SLC6A16: variants seen among roughly 807,000 people sequenced by gnomAD.
SLC6A16 encodes the protein orphan sodium- and chloride-dependent neurotransmitter transporter NTT5.
In SLC6A16, 54 loss-of-function variants were observed where a neutral mutation model predicts 65.4. The observed-to-expected ratio is 0.83, with a 90% CI of 0.66 to 1.04. SLC6A16 has a LOEUF of 1.04. SLC6A16 is among the 50% of genes least tolerant of loss of function. The pLI is 0.00. For missense variants in SLC6A16, 816 were observed against 914.0 expected (o/e 0.89, Z 1.38); for synonymous variants, 330 against 346.5 (o/e 0.95, Z 0.53).
At chr19:49,293,502 C>A (rs971780872) in intron 9 of SLC6A16, 120 bp from the exon 10 acceptor site, 4 of 912,196 alleles carry the variant, frequency 4.4e-6, no homozygotes. Context: ...AGGGGGCTTA[C>A]ATGTGTAATC....
At chr19:49,312,475 C>T (rs1344438430) in intron 1 of SLC6A16, 20 of 709,358 alleles carry the variant, frequency 2.8e-5, no homozygotes, top group Admixed American at 6.3e-5. Flanking sequence ...TCCATCTCTG[C>T]CTACTGCTCT....
intron 1 of SLC6A16, among the ~76,000 whole-genome samples, chr19:49,319,475 A>ATG (rs1273673190): frequency 1.3e-5 from 2 of 150,768 alleles, no homozygotes; most frequent in Non-Finnish European, 3.0e-5. Context: ...ATATGTGTAT[A>ATG]TGTATATACA....
Position 49,293,897 on chromosome 19 carries a change from A to C in SLC6A16, c.1548T>G (p.Ile516Met). 1 of 1,614,108 alleles carries C rather than the reference A, an allele frequency of 6.2e-7. No individual in the cohort carries two copies. Residue 516 changes from isoleucine to methionine, a missense_variant, in exon 9 of 12, where the codon ATT becomes ATG. Physicochemically the swap from Ile to Met is conservative, Grantham distance 10. Coordinates refer to ENST00000335875, the MANE Select transcript of SLC6A16 (RefSeq NM_014037.3). Reference protein sequence around the residue: ...LAMGLSSAIGIMQGIITPLQD... With the variant: ...LAMGLSSAIGMMQGIITPLQD... ...GGAGTGGAGTAATGATGCCCTGCAT[A>C]ATCCCTATTGCGCTGCTCAGCCCCA... is the stretch of plus-strand genomic sequence containing the variant.
At chr19:49,331,871 G>A in the SLC6A16 span, 2 of 455,844 alleles carry the variant, frequency 4.4e-6, no homozygotes, top group South Asian at 3.1e-5. Flanking sequence ...CATCAAAGCT[G>A]CAGTGAGCCG....
chr19:49,314,880 G>A (rs1970589314), intron 1 of SLC6A16, among the ~76,000 whole-genome samples: 2 of 152,146 alleles, frequency 1.3e-5, no homozygotes, highest in Non-Finnish European at 2.9e-5. Flanking sequence ...AGATGGAAGT[G>A]TTGTAAGTCT....
rs762980168 is a variant in SLC6A16, at chr19:49,310,315, G to T, written c.573+38C>A. ...GGAGGAGGGTTGGGATGGCGGTGGGGTGTAAAAGTCAGGCCTGGGCAGCCA... is the reference window on the plus strand; with the variant it reads ...GGAGGAGGGTTGGGATGGCGGTGGGTTGTAAAAGTCAGGCCTGGGCAGCCA... On this transcript the variant is annotated intron_variant, in intron 3 of 11. Coordinates refer to ENST00000335875, the MANE Select transcript of SLC6A16 (RefSeq NM_014037.3). The T allele has an allele frequency of 2.5e-6, 4 of 1,611,466 alleles. No individual in the cohort carries two copies. The Admixed American group carries it at 5.0e-5, about 20-fold the overall frequency.
upstream of SLC6A16, among the ~76,000 whole-genome samples, chr19:49,325,385 G>C (rs1568543413): frequency 6.6e-6 from 1 of 152,124 alleles, no homozygotes; most frequent in African/African-American, 2.4e-5. Flanking sequence ...ACCCCACCCC[G>C]ACACCCACGA....
chr19:49,317,702 A>T (rs1235131489), intron 1 of SLC6A16, among the ~76,000 whole-genome samples: 1 of 151,902 alleles, frequency 6.6e-6, no homozygotes, highest in Non-Finnish European at 1.5e-5. Context: ...GCTACTCGGG[A>T]GGCTGTGGCA....
chr19:49,301,283 A>C (rs1387003482), intron 7 of SLC6A16, among the ~76,000 whole-genome samples: 1 of 152,092 alleles, frequency 6.6e-6, no homozygotes, highest in African/African-American at 2.4e-5. Context: ...AGCAGGCTAT[A>C]CCACCAGCTT....
At chr19:49,305,220 C>T (rs1322067071) in intron 7 of SLC6A16, among the ~76,000 whole-genome samples, 1 of 152,204 alleles carries the variant, frequency 6.6e-6, no homozygotes, top group Non-Finnish European at 1.5e-5. Context: ...CATGGAGAGG[C>T]CTCATGGAAG....
chr19:49,320,058 G>A (rs1170593224), intron 1 of SLC6A16, among the ~76,000 whole-genome samples: 1 of 152,044 alleles, frequency 6.6e-6, no homozygotes, highest in South Asian at 2.1e-4. Flanking sequence ...AAATTTATGG[G>A]AGGCAACAAA....
chr19:49,310,984 T>A lies in SLC6A16; in HGVS notation c.364A>T (p.Lys122Ter). The A allele has an allele frequency of 6.2e-7, 1 of 1,614,178 alleles. No individual in the cohort carries two copies. Among genetic ancestry groups the A allele is most frequent in the South Asian group, 1.1e-5 (1 of 91,084 alleles). The change falls in exon 2 of 12, where the codon AAG becomes TAG. Residue 122 changes from lysine to a stop codon, truncating the protein, a stop_gained. Coordinates refer to ENST00000335875, the MANE Select transcript of SLC6A16 (RefSeq NM_014037.3). LOFTEE classifies it high-confidence loss of function. ...YILAQVGFSMKPSCLWRFAYL... is the reference protein window; with the variant it reads ...YILAQVGFSM ...GCAAAGCGCCAGAGACAAGATGGCT[T>A]CATAGAGAAGCCCACCTGAGCCAGA...
In SLC6A16 at chr19:49,293,314, T is replaced by C; in HGVS notation, c.1687A>G (p.Arg563Gly). The change falls in exon 10 of 12, where the codon AGA (arginine) becomes GGA (glycine). Residue 563 changes from arginine to glycine, a missense_variant. Transcript: ENST00000335875. The part of the protein sequence containing the change: ...FTRPSGSYFI[R>G]LLSDYWIVFP... ...ACTATCCAGTAGTCACTCAGCAGTC[T>C]GATGAAGTAGCTGCCTGAAGGTCGA... 1.2e-6 allele frequency: 2 copies of C among 1,614,092 alleles called. No individual in the cohort carries two copies. The highest frequency in any genetic ancestry group is 1.7e-6 in the Non-Finnish European group (2 of 1,179,992).
chr19:49,329,616 CCTTGT>C (rs1970828774), upstream of SLC6A16, among the ~76,000 whole-genome samples: 1 of 146,058 alleles, frequency 6.8e-6, no homozygotes, highest in Admixed American at 6.8e-5. Context: ...CATAGCAAGG[CCTTGT>C]CTTTTTTTTT....
At chr19:49,339,956 T>TA in the SLC6A16 span, 2 of 1,401,574 alleles carry the variant, frequency 1.4e-6, no homozygotes, top group African/African-American at 2.9e-5. This position sits in a 1 kb window ranked among gnomAD's most constrained non-coding sequence, Gnocchi z 4.5. Flanking sequence ...GAGGCACAAT[T>TA]AGAGGCTGAG....
intron 7 of SLC6A16, among the ~76,000 whole-genome samples, chr19:49,308,070 G>A (rs1334016690): frequency 1.3e-5 from 2 of 151,394 alleles, no homozygotes; most frequent in South Asian, 2.1e-4. Flanking sequence ...AGAAACAGGG[G>A]TGATCAGACA....
chr19:49,339,050 G>A, the SLC6A16 span: 1 of 910,042 alleles, frequency 1.1e-6, no homozygotes, highest in Non-Finnish European at 1.7e-6. This position sits in a 1 kb window ranked among gnomAD's most constrained non-coding sequence, Gnocchi z 4.5. Flanking sequence ...AAAAGGAAAG[G>A]TACGGCAGGA....
In SLC6A16 at chr19:49,292,776, A is replaced by G. The variant is rs772687585; in HGVS notation, c.1778+447T>C. 2.6e-5 allele frequency among the ~76,000 whole-genome samples: 4 copies of G among 152,054 alleles called. No individual in the cohort carries two copies. Among genetic ancestry groups the G allele is most frequent in the Non-Finnish European group, 5.9e-5 (4 of 68,008 alleles). ...TTGTCATGACTCCCTCCCTCCTATCATTCAGGAGTCTGCTCACATGTCACC... is the reference window on the plus strand; with the variant it reads ...TTGTCATGACTCCCTCCCTCCTATCGTTCAGGAGTCTGCTCACATGTCACC... On this transcript the variant is annotated intron_variant, in intron 10 of 11. Transcript: ENST00000335875. This position sits in a 1 kb window ranked among gnomAD's most constrained non-coding sequence, Gnocchi z 4.3.
chr19:49,297,602 A>C (rs971383898), intron 7 of SLC6A16, among the ~76,000 whole-genome samples: 1 of 151,978 alleles, frequency 6.6e-6, no homozygotes, highest in African/African-American at 2.4e-5. Context: ...ATCCAAGAGA[A>C]ATGAAAACAT....
Sources: allele counts gnomAD v4.1 joint callset (sites outside exome capture counted in the v4.1 genomes callset), GRCh38; gene constraint gnomAD v4.1.1; non-coding constraint Gnocchi (gnomAD v3.1); transcripts MANE v1.5; gene names NCBI Gene and HGNC (gene_info 2026-07-23, HGNC 2026-07-21).